The following PDIA5 variants were observed in gnomAD, a reference collection of about 807,000 sequenced individuals.
PDIA5 encodes protein disulfide isomerase family A member 5.
A neutral mutation model predicts 77.6 loss-of-function variants in PDIA5; 58 were observed. That is an observed-to-expected ratio of 0.75 (90% CI 0.61 to 0.93). PDIA5 has a LOEUF of 0.93. Ranked by LOEUF, PDIA5 falls within the 40% of genes least tolerant of loss-of-function variation. The pLI is 0.00. For synonymous variants in PDIA5, 250 were observed against 252.1 expected (o/e 0.99, Z 0.08); for missense variants, 630 against 647.7 (o/e 0.97, Z 0.30).
chr3:123,110,878 G>A, intron 6 of PDIA5, 66 bp from the exon 7 acceptor site: 1 of 1,279,362 alleles, frequency 7.8e-7, no homozygotes, highest in Non-Finnish European at 1.1e-6. Flanking sequence ...AGGAGGGGCG[G>A]GGAGGGGGTC....
intron 1 of PDIA5, among the ~76,000 whole-genome samples, chr3:123,082,954 G>A (rs1934047004): frequency 6.6e-6 from 1 of 152,164 alleles, no homozygotes; most frequent in South Asian, 2.1e-4. Context: ...CTGGAAGACT[G>A]CAGAGGGAGA....
chr3:123,067,442 C>T (rs1933599683), intron 1 of PDIA5: 2 of 398,360 alleles, frequency 5.0e-6, no homozygotes, highest in Admixed American at 4.4e-5. Context: ...TGTGGGGCGC[C>T]GGGAGATCCC....
chr3:123,127,151 T>A (rs1350770652), intron 10 of PDIA5, among the ~76,000 whole-genome samples: 13 of 152,202 alleles, frequency 8.5e-5, no homozygotes, highest in Non-Finnish European at 1.3e-4. Context: ...TCTTCTCATC[T>A]ATGGCACATG....
chr3:123,117,481 T>G (rs987754360), intron 8 of PDIA5, among the ~76,000 whole-genome samples: 3 of 149,802 alleles, frequency 2.0e-5, no homozygotes, highest in Non-Finnish European at 4.4e-5. Flanking sequence ...CGTCTTAGCC[T>G]CCTGAATAGC....
At chr3:123,117,330 C>A (rs1325550139) in intron 8 of PDIA5, among the ~76,000 whole-genome samples, 2 of 139,256 alleles carry the variant, frequency 1.4e-5, no homozygotes, top group East Asian at 4.2e-4. Flanking sequence ...CCACCCCACT[C>A]CTGACCTTGA....
At chr3:123,069,022 TG>T (rs1933659824) in intron 1 of PDIA5, among the ~76,000 whole-genome samples, 1 of 152,234 alleles carries the variant, frequency 6.6e-6, no homozygotes, top group African/African-American at 2.4e-5. Flanking sequence ...GTAGGTTTGC[TG>T]AAAGCACTAG....
intron 1 of PDIA5, among the ~76,000 whole-genome samples, chr3:123,084,630 C>A (rs1253645078): frequency 6.6e-6 from 1 of 152,146 alleles, no homozygotes; most frequent in African/African-American, 2.4e-5. Flanking sequence ...TATCATCTTC[C>A]TTAATGTAAG....
At chr3:123,137,575 T>C (rs1935531287) in intron 11 of PDIA5, among the ~76,000 whole-genome samples, 1 of 152,248 alleles carries the variant, frequency 6.6e-6, no homozygotes, top group African/African-American at 2.4e-5. Flanking sequence ...GATCAGGCGT[T>C]GTTCTAGGTA....
chr3:123,161,291 T>C, intron 15 of PDIA5, 30 bp from the exon 16 acceptor site: 1 of 1,608,982 alleles, frequency 6.2e-7, no homozygotes, highest in Non-Finnish European at 8.5e-7. Context: ...GGGGACACCC[T>C]GTGCCAACTC....
At chr3:123,095,323 G>A (rs1934404541) in intron 3 of PDIA5, among the ~76,000 whole-genome samples, 1 of 152,216 alleles carries the variant, frequency 6.6e-6, no homozygotes, top group Admixed American at 6.5e-5. Flanking sequence ...AGGGGGAGAA[G>A]TGGTATGCTT....
intron 11 of PDIA5, among the ~76,000 whole-genome samples, chr3:123,136,995 T>C (rs1383880350): frequency 2.0e-5 from 3 of 152,232 alleles, no homozygotes; most frequent in African/African-American, 7.2e-5. Context: ...AGTTTTTCAC[T>C]ATTCAAACAA....
In PDIA5 at chr3:123,106,839, A is replaced by T. The variant is rs1275946616; in HGVS notation, c.478A>T (p.Lys160Ter). Reference sequence around the variant, plus strand: ...AGATGTTGTCCACCTTGACAGTGAAAAGGTAATGTATTCCCCGTCAGTTCT... The same window carrying T: ...AGATGTTGTCCACCTTGACAGTGAATAGGTAATGTATTCCCCGTCAGTTCT... Reference protein sequence around the residue: ...AKDVVHLDSEKDFRRLLKKEE... With the variant: ...AKDVVHLDSE Residue 160 changes from lysine to a stop codon, truncating the protein, a stop_gained and splice_region_variant, in exon 6 of 17, where the codon AAG becomes TAG. Coordinates refer to ENST00000316218, the MANE Select transcript of PDIA5 (RefSeq NM_006810.4). LOFTEE classifies it high-confidence loss of function. 3 of 1,602,238 alleles carry T rather than the reference A, an allele frequency of 1.9e-6. No homozygotes were observed. The highest frequency in any genetic ancestry group is 2.6e-6 in the Non-Finnish European group (3 of 1,170,588).
chr3:123,158,705 A>C (rs1463437069), intron 15 of PDIA5, among the ~76,000 whole-genome samples: 1 of 152,186 alleles, frequency 6.6e-6, no homozygotes, highest in Non-Finnish European at 1.5e-5. Context: ...TGCTGTGGCA[A>C]GGGCTGGTCT....
chr3:123,082,579 G>A (rs567818737), intron 1 of PDIA5, among the ~76,000 whole-genome samples: 28 of 152,174 alleles, frequency 1.8e-4, no homozygotes, highest in African/African-American at 5.8e-4. Context: ...GTACGTGTTC[G>A]CTCCTTCCTG....
At chr3:123,108,384 G>A (rs751589530) in intron 6 of PDIA5, among the ~76,000 whole-genome samples, 3 of 149,854 alleles carry the variant, frequency 2.0e-5, no homozygotes, top group Non-Finnish European at 1.5e-5. Flanking sequence ...GGGTTCAAGC[G>A]ATTCTCGTAC....
chr3:123,150,115 A>T, intron 13 of PDIA5, 119 bp from the exon 14 acceptor site: 1 of 714,346 alleles, frequency 1.4e-6, no homozygotes, highest in Non-Finnish European at 2.4e-6. Context: ...TTTTAGAAGG[A>T]TTGTAGTGGT....
At chr3:123,148,738 T>C (rs544774401) in intron 13 of PDIA5, among the ~76,000 whole-genome samples, 1 of 152,286 alleles carries the variant, frequency 6.6e-6, no homozygotes, top group Admixed American at 6.5e-5. Flanking sequence ...TAATTCCTAT[T>C]TCATTGGTGA....
intron 10 of PDIA5, among the ~76,000 whole-genome samples, chr3:123,126,371 G>C (rs1277236275): frequency 6.6e-6 from 1 of 152,108 alleles, no homozygotes; most frequent in African/African-American, 2.4e-5. Flanking sequence ...AGGAGCTCTT[G>C]TTAACGGCCT....
intron 3 of PDIA5, among the ~76,000 whole-genome samples, chr3:123,092,998 T>C (rs1052465271): frequency 6.6e-6 from 1 of 152,240 alleles, no homozygotes; most frequent in Non-Finnish European, 1.5e-5. Flanking sequence ...TATTATTGCC[T>C]GAGTCATAAG....
Sources: gnomAD v4.1 joint callset for allele counts (sites outside exome capture counted in the v4.1 genomes callset) on GRCh38, gnomAD v4.1.1 for gene constraint, MANE v1.5 for transcripts, NCBI Gene and HGNC (gene_info 2026-07-23, HGNC 2026-07-21) for gene names.